Variants in NREP observed in about 807,000 individuals in gnomAD.
NREP encodes neuronal regeneration-related protein.
In NREP, 5 loss-of-function variants were observed where a neutral mutation model predicts 8.6. The ratio of observed to expected loss-of-function variants is 0.58; its 90% CI spans 0.30 to 1.22. NREP has a LOEUF of 1.22. NREP is among the 50% of genes most tolerant of loss of function. NREP has a pLI of 0.07. For missense variants in NREP, 86 were observed against 82.5 expected (o/e 1.04, Z -0.17); for synonymous variants, 27 against 28.0 (o/e 0.96, Z 0.11).
chr5:111,904,151 T>C (rs1227574275), intron 2 of NREP, among the ~76,000 whole-genome samples: 2 of 152,144 alleles, frequency 1.3e-5, no homozygotes, highest in Non-Finnish European at 2.9e-5. Flanking sequence ...GTTTCTTCTA[T>C]TATTAATATC....
rs930647092 is a variant in NREP, at chr5:111,912,265, C to T, written c.135+63009G>A. ...CCCTCATCCAGAATGGTGTGGCTTCCGTAAGTGACTAAAACCCACCCTGGC... is the reference window on the plus strand; with the variant it reads ...CCCTCATCCAGAATGGTGTGGCTTCTGTAAGTGACTAAAACCCACCCTGGC... On this transcript the variant is annotated intron_variant, in intron 2 of 3. Coordinates refer to the NREP transcript ENST00000395634. Among the ~76,000 whole-genome samples, 10 of 151,898 alleles carry T rather than the reference C, an allele frequency of 6.6e-5. No homozygotes were observed. In the East Asian group the frequency reaches 7.8e-4, roughly 12 times the overall value.
At position 111,772,078 on chromosome 5, in the gene NREP, G is replaced by A. The variant is rs540142252; in HGVS notation, c.136-36571C>T. Among the ~76,000 whole-genome samples the A allele has an allele frequency of 1.6e-4, 24 of 152,260 alleles. No homozygotes were observed. In the South Asian group the frequency reaches 5.0e-3, roughly 32 times the overall value. ...CACGATCTGTAAAACAGAGGAGTTG[G>A]ACTGGAAGATTCTCCAAATTCCTTC... On this transcript the variant is annotated intron_variant, in intron 2 of 3. Coordinates refer to the NREP transcript ENST00000395634.
intron 2 of NREP, among the ~76,000 whole-genome samples, chr5:111,947,644 C>T (rs1397612734): frequency 2.0e-5 from 3 of 151,990 alleles, no homozygotes; most frequent in African/African-American, 7.2e-5. Context: ...AAATCATCCA[C>T]GTGGTATCTA....
chr5:111,775,622 A>T (rs964387675), intron 2 of NREP, among the ~76,000 whole-genome samples: 2 of 152,080 alleles, frequency 1.3e-5, no homozygotes, highest in Admixed American at 6.6e-5. Flanking sequence ...TTAGAGCATA[A>T]TTTTTTTATT....
intron 2 of NREP, among the ~76,000 whole-genome samples, chr5:111,841,929 G>T (rs1316731711): frequency 6.6e-6 from 1 of 152,062 alleles, no homozygotes; most frequent in Admixed American, 6.6e-5. Flanking sequence ...AAGCCTCTCT[G>T]GTCAGCATTC....
At chr5:111,787,386 T>C (rs1751636956) in intron 2 of NREP, among the ~76,000 whole-genome samples, 1 of 152,236 alleles carries the variant, frequency 6.6e-6, no homozygotes, top group Non-Finnish European at 1.5e-5. Context: ...TAAACCATCT[T>C]ATTGTTCTTT....
chr5:111,956,995 A>ATAAG (rs1349373612), intron 2 of NREP, among the ~76,000 whole-genome samples: 1 of 151,566 alleles, frequency 6.6e-6, no homozygotes, highest in African/African-American at 2.4e-5. Flanking sequence ...AAATAAATAA[A>ATAAG]TAAAATGCCA....
intron 2 of NREP, among the ~76,000 whole-genome samples, chr5:111,881,213 C>T (rs1232734280): frequency 1.3e-5 from 2 of 152,328 alleles, no homozygotes; most frequent in East Asian, 3.9e-4. Context: ...CCCACGGAGT[C>T]TCCCTGATTG....
chr5:111,737,361 A>G (rs1289320740), intron 2 of NREP, among the ~76,000 whole-genome samples: 1 of 152,188 alleles, frequency 6.6e-6, no homozygotes, highest in Non-Finnish European at 1.5e-5. Context: ...AAATGGATAT[A>G]AAGTGATTAC....
At chr5:111,801,202 T>C (rs1751997327) in intron 2 of NREP, among the ~76,000 whole-genome samples, 1 of 152,192 alleles carries the variant, frequency 6.6e-6, no homozygotes, top group South Asian at 2.1e-4. Flanking sequence ...TTACAAATGT[T>C]TACAGTAAAT....
In NREP at chr5:111,975,384, G is replaced by C. The variant is rs961876785; in HGVS notation, c.31-6C>G. 4.5e-6 allele frequency: 7 copies of C among 1,549,894 alleles called. No homozygotes were observed. The African/African-American group carries it at 9.6e-5, about 21-fold the overall frequency. ...GTTTCATCTTCTCTTCGGCTCTGCA[G>C]ACAAGACACATGGTAGAAAACGTGA... On this transcript the variant is annotated splice_region_variant and splice_polypyrimidine_tract_variant and intron_variant, in intron 1 of 3. Transcript: ENST00000395634.
chr5:111,956,364 C>A (rs898875557), intron 2 of NREP, among the ~76,000 whole-genome samples: 1 of 151,812 alleles, frequency 6.6e-6, no homozygotes, highest in East Asian at 1.9e-4. Flanking sequence ...TGAAAAAATA[C>A]TTTTTATGAA....
At chr5:111,925,131 C>T (rs1315221562) in intron 2 of NREP, among the ~76,000 whole-genome samples, 1 of 152,030 alleles carries the variant, frequency 6.6e-6, no homozygotes, top group Non-Finnish European at 1.5e-5. Flanking sequence ...AGGAGGTCTA[C>T]CCTCCTTCCT....
In NREP at chr5:111,740,002, A is replaced by G. The variant is rs1024951637; in HGVS notation, c.4-4495T>C. On this transcript the variant is annotated intron_variant, in intron 2 of 3. Transcript: ENST00000257435. ...TCGTACCTTCAACAATTGAGAAAAC[A>G]AAAATGCTAGTTAAAAAAAAAAAAG... Among the ~76,000 whole-genome samples, 3 of 152,242 alleles carry G rather than the reference A, an allele frequency of 2.0e-5. 1 individual carries two copies. The highest frequency in any genetic ancestry group is 6.5e-5 in the Admixed American group (1 of 15,282).
intron 2 of NREP, among the ~76,000 whole-genome samples, chr5:111,772,652 C>T (rs976684348): frequency 6.6e-6 from 1 of 151,914 alleles, no homozygotes; most frequent in Admixed American, 6.6e-5. Flanking sequence ...CCCGAGACAC[C>T]AACAGGGATG....
intron 2 of NREP, among the ~76,000 whole-genome samples, chr5:111,908,584 T>C (rs1329395888): frequency 2.6e-5 from 4 of 152,106 alleles, no homozygotes; most frequent in African/African-American, 9.7e-5. Flanking sequence ...GCTACATCCA[T>C]GTTGCTGCAA....
At position 111,730,732 on chromosome 5, in the gene NREP, T is replaced by C. The variant is rs1182381312; in HGVS notation, c.*189A>G. On this transcript the variant is annotated 3_prime_UTR_variant, in exon 4 of 4. Transcript: ENST00000257435. ...AGTGTGAAATTCTGAGCGTTTTCAC[T>C]TGAGTCAGAATGATTAAAAACTGGT... The C allele has an allele frequency of 1.6e-6, 1 of 635,964 alleles. No homozygotes were observed. Among genetic ancestry groups the C allele is most frequent in the African/African-American group, 1.8e-5 (1 of 54,882 alleles). The allele number at this position is 635,964 out of a possible 1,614,324, so 39.4% of individuals were successfully genotyped here. A position where few individuals can be genotyped will look rare whatever the true frequency, so the allele number is the denominator to read the frequency against.
At chr5:111,854,418 G>A (rs903525531) in intron 2 of NREP, among the ~76,000 whole-genome samples, 1 of 152,160 alleles carries the variant, frequency 6.6e-6, no homozygotes, top group African/African-American at 2.4e-5. Flanking sequence ...GAGGGTGTGA[G>A]CACTCCCAGG....
At chr5:111,809,368 T>C (rs916336616) in intron 2 of NREP, among the ~76,000 whole-genome samples, 4 of 152,214 alleles carry the variant, frequency 2.6e-5, no homozygotes, top group African/African-American at 9.6e-5. Flanking sequence ...AGTCAGCTAC[T>C]GTTTGAGTGT....
Sources: gnomAD v4.1 joint callset for allele counts (sites outside exome capture counted in the v4.1 genomes callset) on GRCh38, gnomAD v4.1.1 for gene constraint, MANE v1.5 for transcripts, NCBI Gene and HGNC (gene_info 2026-07-23, HGNC 2026-07-21) for gene names.